KIAA1210: variants seen among roughly 807,000 people sequenced by gnomAD.
KIAA1210 encodes the protein acrosomal protein KIAA1210.
Under a neutral mutation model 78.9 loss-of-function variants are expected in KIAA1210, and 48 were observed. The ratio of observed to expected loss-of-function variants is 0.61; its 90% CI spans 0.48 to 0.77. The LOEUF (loss-of-function observed/expected upper bound fraction) is 0.77, where lower values mean the gene tolerates loss of function less well. Ranked by LOEUF, KIAA1210 falls within the 30% of genes least tolerant of loss-of-function variation. The pLI is 0.00. For synonymous variants in KIAA1210, 406 were observed against 404.5 expected (o/e 1.00, Z -0.04); for missense variants, 1,108 against 1,100.0 (o/e 1.01, Z -0.10).
intron 1 of KIAA1210, 91 bp from the exon 2 acceptor site, chrX:119,123,743 G>A: frequency 1.9e-6 from 1 of 528,768 alleles, no homozygotes. Context: ...TTATCCTTCA[G>A]TTATATTCTT....
At chrX:119,085,670 G>A in intron 9 of KIAA1210, 124 bp from the exon 10 acceptor site, 1 of 645,939 alleles carries the variant, frequency 1.5e-6, no homozygotes, top group Non-Finnish European at 2.2e-6. Context: ...AAAATAAACA[G>A]ATATCAAACA....
intron 8 of KIAA1210, among the ~76,000 whole-genome samples, chrX:119,089,965 A>G (rs1188486101): frequency 9.0e-6 from 1 of 111,730 alleles, no homozygotes; most frequent in Non-Finnish European, 1.9e-5. Flanking sequence ...AACTGACTCC[A>G]GGGTTGGCTT....
intron 8 of KIAA1210, among the ~76,000 whole-genome samples, chrX:119,090,814 A>G (rs1467842815): frequency 1.8e-5 from 2 of 111,268 alleles, no homozygotes; most frequent in Non-Finnish European, 3.8e-5. Flanking sequence ...GAAAGAGTGA[A>G]AGAAACCACA....
chrX:119,125,008 A>C (rs1245628051), intron 1 of KIAA1210, among the ~76,000 whole-genome samples: 2 of 112,299 alleles, frequency 1.8e-5, no homozygotes, highest in African/African-American at 6.5e-5. Context: ...TAATTTATAA[A>C]GAGCTCATAT....
At chrX:119,120,982 T>C (rs1364234821) in intron 2 of KIAA1210, among the ~76,000 whole-genome samples, 2 of 111,342 alleles carry the variant, frequency 1.8e-5, no homozygotes, top group Admixed American at 1.9e-4. Context: ...GTCTTCAGCC[T>C]GCTTTCCATT....
intron 8 of KIAA1210, among the ~76,000 whole-genome samples, chrX:119,091,380 C>T (rs776874892): frequency 1.8e-5 from 2 of 112,180 alleles, no homozygotes; most frequent in Non-Finnish European, 3.8e-5. Context: ...TACTGAGTAT[C>T]TACCCAAAGG....
At chrX:119,095,939 G>C (rs1027508756) in intron 7 of KIAA1210, among the ~76,000 whole-genome samples, 1 of 111,702 alleles carries the variant, frequency 9.0e-6, no homozygotes, top group Non-Finnish European at 1.9e-5. Flanking sequence ...ACTTCTCTTT[G>C]CTGTCAGGTC....
chrX:119,128,643 C>T (rs1214994458), upstream of KIAA1210, among the ~76,000 whole-genome samples: 2 of 111,724 alleles, frequency 1.8e-5, no homozygotes, highest in Non-Finnish European at 1.9e-5. Context: ...CACTCTCTCT[C>T]CATCCCATTA....
At chrX:119,104,676 T>TA (rs112270929) in intron 6 of KIAA1210, among the ~76,000 whole-genome samples, 5,574 of 112,428 alleles carry the variant, frequency 0.05, 359 homozygotes, top group African/African-American at 0.17. Flanking sequence ...TAACCTCTGA[T>TA]TTTTTTGGAT....
chrX:119,092,041 T>A (rs1052596456), intron 8 of KIAA1210, among the ~76,000 whole-genome samples: 4 of 111,951 alleles, frequency 3.6e-5, no homozygotes, highest in Non-Finnish European at 7.5e-5. Flanking sequence ...TTCACCACTA[T>A]ACAATCCATC....
At chrX:119,144,540 C>T in intron 2 of KIAA1210, among the ~76,000 whole-genome samples, 1 of 111,779 alleles carries the variant, frequency 8.9e-6, no homozygotes, top group Non-Finnish European at 1.9e-5. Context: ...ACAGATGTGG[C>T]CAAAGAGGCA....
chrX:119,110,227 C>A (rs1435043065), intron 3 of KIAA1210, among the ~76,000 whole-genome samples: 1 of 112,062 alleles, frequency 8.9e-6, no homozygotes, highest in African/African-American at 3.2e-5. Flanking sequence ...TCAGTGAATG[C>A]CAAACACTGT....
In KIAA1210 at chrX:119,127,805, CCAA is replaced by C. The variant is rs1265135526; in HGVS notation, c.-92_-90del. Among the ~76,000 whole-genome samples the C allele has an allele frequency of 8.9e-6, 1 of 112,354 alleles. No individual in the cohort carries two copies. The highest frequency in any genetic ancestry group is 1.9e-5 in the Non-Finnish European group (1 of 53,325). On this transcript the variant is annotated 5_prime_UTR_variant, in exon 1 of 12. Transcript: ENST00000691062. ...ACTGAACTGCTTCCAAGCCAGTCCA[CCAA>C]CACTGCGCTTGCTGAATCCACCAGT...
intron 2 of KIAA1210, among the ~76,000 whole-genome samples, chrX:119,144,320 C>T (rs1255845769): frequency 8.9e-6 from 1 of 112,399 alleles, no homozygotes; most frequent in Non-Finnish European, 1.9e-5. Context: ...AATTCAGACA[C>T]TTACATTCCA....
chrX:119,147,148 C>G (rs768914680), intron 2 of KIAA1210, among the ~76,000 whole-genome samples: 3 of 110,942 alleles, frequency 2.7e-5, no homozygotes, highest in Non-Finnish European at 3.8e-5. Context: ...GCCGCAAGGT[C>G]TCGGGTTCCG....
At chrX:119,133,468 A>G (rs1417169372) in intron 2 of KIAA1210, among the ~76,000 whole-genome samples, 2 of 111,317 alleles carry the variant, frequency 1.8e-5, no homozygotes, top group Non-Finnish European at 3.8e-5. Flanking sequence ...ACGTCCATGC[A>G]CAAATCAGGG....
rs976268343 is a variant in KIAA1210 at position 119,079,480 on chromosome X, G to A, written c.*1849C>T. The A allele has an allele frequency of 2.7e-5, 3 of 112,176 alleles. No individual in the cohort carries two copies. The highest frequency in any genetic ancestry group is 9.7e-5 in the African/African-American group (3 of 30,920). The allele number at this position is 112,176 out of a possible 1,213,427, so 9.2% of individuals were successfully genotyped here. ...GAAAGGAAGATTTAACTAACTTCTAGTGAACCTAGATGAGATTCTAGGGTG... is the reference window on the plus strand; with the variant it reads ...GAAAGGAAGATTTAACTAACTTCTAATGAACCTAGATGAGATTCTAGGGTG... On this transcript the variant is annotated 3_prime_UTR_variant, in exon 12 of 12. Transcript: ENST00000691062.
At chrX:119,150,157 A>G (rs763894547) in intron 1 of KIAA1210, 54 of 660,176 alleles carry the variant, frequency 8.2e-5, no homozygotes, top group Middle Eastern at 4.9e-4. Flanking sequence ...TAGAGAAGCT[A>G]TAGCTTTGTC....
Position 119,105,148 on chromosome X carries a change from C to T in KIAA1210, c.493-1G>A. 8.3e-7 allele frequency: 1 copy of T among 1,198,782 alleles called. No homozygotes were observed. The highest frequency in any genetic ancestry group is 1.1e-6 in the Non-Finnish European group (1 of 889,772). ...GTCGGCGTCGGCGCGATGGTGGGTT[C>T]TGTCAAGAGGGAGAATAGAAGGAAC... On this transcript the variant is annotated splice_acceptor_variant, in intron 5 of 11. Coordinates refer to ENST00000691062, the MANE Select transcript of KIAA1210 (RefSeq NM_001394962.1). LOFTEE classifies it high-confidence loss of function.
Sources: gnomAD v4.1 joint callset for allele counts (sites outside exome capture counted in the v4.1 genomes callset) on GRCh38, gnomAD v4.1.1 for gene constraint, MANE v1.5 for transcripts, NCBI Gene and HGNC (gene_info 2026-07-23, HGNC 2026-07-21) for gene names.